B4GALT5: variants seen among roughly 807,000 people sequenced by gnomAD.
B4GALT5 encodes the protein UDP-Gal:beta-GlcNAc beta-1,4-galactosyltransferase 5.
A neutral mutation model predicts 45.0 loss-of-function variants in B4GALT5; 11 were observed. That is an observed-to-expected ratio of 0.24 (90% confidence interval 0.15 to 0.40). The LOEUF (loss-of-function observed/expected upper bound fraction) is 0.40. B4GALT5 is among the 10% of genes least tolerant of loss of function. The probability of loss-of-function intolerance (pLI) is 1.00; values close to 1 mark genes in which losing one functional copy is unlikely to be tolerated. For missense variants in B4GALT5, 337 were observed against 500.2 expected, an observed-to-expected ratio of 0.67 and a Z score of 3.11; for synonymous variants, 185 against 182.9, an observed-to-expected ratio of 1.01 and a Z score of -0.09.
At chr20:49,646,168 A>C (rs550587930) in intron 3 of B4GALT5, among the ~76,000 whole-genome samples, 4 of 152,336 alleles carry the variant, frequency 2.6e-5, no homozygotes, top group Non-Finnish European at 2.9e-5. Flanking sequence ...TTACAAGTTC[A>C]CAAGTTTAGA....
chr20:49,664,529 C>CA (rs1238882629), intron 1 of B4GALT5, among the ~76,000 whole-genome samples: 16 of 143,526 alleles, frequency 1.1e-4, no homozygotes, highest in African/African-American at 3.9e-4. Context: ...TGATCTGGAC[C>CA]AAAAAAAAGC....
intron 1 of B4GALT5, among the ~76,000 whole-genome samples, chr20:49,669,820 A>G (rs191498029): frequency 6.4e-4 from 98 of 152,334 alleles, no homozygotes; most frequent in African/African-American, 2.3e-3. Context: ...AAAGGCTATA[A>G]GCCAGAAAAG....
At chr20:49,659,246 T>C (rs2085655381) in intron 1 of B4GALT5, among the ~76,000 whole-genome samples, 2 of 152,236 alleles carry the variant, frequency 1.3e-5, no homozygotes, top group Admixed American at 1.3e-4. Flanking sequence ...ATCCACACTG[T>C]TACTGCTCAA....
At chr20:49,670,860 A>G (rs1386768534) in intron 1 of B4GALT5, among the ~76,000 whole-genome samples, 2 of 152,178 alleles carry the variant, frequency 1.3e-5, no homozygotes, top group Non-Finnish European at 2.9e-5. Context: ...TTCATACTCT[A>G]ACCCAGTAGT....
chr20:49,640,347 G>T, intron 6 of B4GALT5, 131 bp downstream of exon 6: 1 of 744,760 alleles, frequency 1.3e-6, no homozygotes, highest in Admixed American at 3.3e-5. Context: ...CCAATTGTAT[G>T]GATACACACA....
intron 1 of B4GALT5, among the ~76,000 whole-genome samples, chr20:49,705,993 A>G (rs553452527): frequency 1.7e-4 from 26 of 151,484 alleles, no homozygotes; most frequent in Admixed American, 6.6e-4. Context: ...CAGCCTGGCT[A>G]ACATGGTGAA....
At chr20:49,645,796 CTAGA>C (rs970092649) in intron 3 of B4GALT5, among the ~76,000 whole-genome samples, 41 of 151,926 alleles carry the variant, frequency 2.7e-4, no homozygotes, top group African/African-American at 8.9e-4. Flanking sequence ...GTACATTATA[CTAGA>C]TAATGATAAT....
At chr20:49,712,986 G>A (rs776437504) in intron 1 of B4GALT5, among the ~76,000 whole-genome samples, 1 of 151,636 alleles carries the variant, frequency 6.6e-6, no homozygotes, top group Admixed American at 6.6e-5. Context: ...TTAGGGAGGA[G>A]GACCTGGAGG....
intron 1 of B4GALT5, among the ~76,000 whole-genome samples, chr20:49,657,041 T>A (rs1184054547): frequency 7.0e-6 from 1 of 142,502 alleles, no homozygotes; most frequent in Non-Finnish European, 1.5e-5. Flanking sequence ...TAGTTAAAAC[T>A]TTTTTTTTTT....
intron 1 of B4GALT5, among the ~76,000 whole-genome samples, chr20:49,705,980 GAC>G (rs926409637): frequency 6.8e-6 from 1 of 147,204 alleles, no homozygotes; most frequent in Non-Finnish European, 1.5e-5. Flanking sequence ...TGGAGTTAGA[GAC>G]CAGCCTGGCT....
In B4GALT5 at chr20:49,703,889, A is replaced by AG. The variant is rs1276613232; in HGVS notation, c.115+9686dup. On this transcript the variant is annotated intron_variant, in intron 1 of 8. Coordinates refer to ENST00000371711, the MANE Select transcript of B4GALT5 (RefSeq NM_004776.4). ...GGGCAACTGAGTGAGACTCCATCTC[A>AG]GGAAAAAAAAAAAAATACAGATTCA... 3.7e-5 allele frequency among the ~76,000 whole-genome samples: 4 copies of AG among 108,034 alleles called. No homozygotes were observed. In the East Asian group the frequency reaches 7.1e-4, roughly 19 times the overall value. The allele number at this position is 108,034 out of a possible 152,430, so 70.9% of individuals were successfully genotyped here. A position where few individuals can be genotyped will look rare whatever the true frequency, so the allele number is the denominator to read the frequency against.
At chr20:49,686,270 A>G (rs2085785075) in intron 1 of B4GALT5, among the ~76,000 whole-genome samples, 1 of 152,126 alleles carries the variant, frequency 6.6e-6, no homozygotes, top group African/African-American at 2.4e-5. Flanking sequence ...TTACATTCCA[A>G]ATGGTTACTA....
chr20:49,667,082 A>AG (rs1273011749), intron 1 of B4GALT5, among the ~76,000 whole-genome samples: 2 of 152,160 alleles, frequency 1.3e-5, no homozygotes, highest in Non-Finnish European at 2.9e-5. Flanking sequence ...GACCATGTGG[A>AG]GCCAAGATTT....
intron 1 of B4GALT5, among the ~76,000 whole-genome samples, chr20:49,684,761 G>A (rs955805399): frequency 2.0e-5 from 3 of 152,164 alleles, no homozygotes; most frequent in Admixed American, 2.0e-4. Context: ...AACAGAGGTG[G>A]CATGCGGTAG....
chr20:49,692,858 T>C (rs1486193492), intron 1 of B4GALT5, among the ~76,000 whole-genome samples: 2 of 152,252 alleles, frequency 1.3e-5, no homozygotes, highest in Admixed American at 1.3e-4. Flanking sequence ...ATTCTTCAGA[T>C]CCTGTTGTAT....
At position 49,640,531 on chromosome 20, in the gene B4GALT5, T is replaced by C. The variant is rs1409782351; in HGVS notation, c.741A>G (p.Gly247=). 1.2e-6 allele frequency: 2 copies of C among 1,613,758 alleles called. No homozygotes were observed. The highest frequency in any genetic ancestry group is 1.1e-5 in the South Asian group (1 of 90,980). The change falls in exon 6 of 9, where the codon GGA becomes GGG. Residue 247 remains glycine (G), a synonymous_variant. Transcript: ENST00000371711. The part of the protein sequence containing the change: ...HIPESDRNYY[G]CGQMPRHFAT... ...CAAAATGCCTCGGCATCTGTCCACA[T>C]CCATAATAGTTGCGATCACTTTCCG...
At chr20:49,639,934 C>G (rs1209325761) in intron 6 of B4GALT5, 134 bp from the exon 7 acceptor site, 1 of 1,256,338 alleles carries the variant, frequency 8.0e-7, no homozygotes, top group African/African-American at 1.5e-5. Context: ...ATCAAATTAG[C>G]AAAATTAATT....
intron 1 of B4GALT5, among the ~76,000 whole-genome samples, chr20:49,695,222 A>T (rs2085834033): frequency 6.9e-6 from 1 of 145,090 alleles, no homozygotes; most frequent in East Asian, 2.0e-4. Context: ...TTTTTTTTAG[A>T]CAGACTTTTG....
At chr20:49,695,125 C>G (rs1169088995) in intron 1 of B4GALT5, among the ~76,000 whole-genome samples, 1 of 146,340 alleles carries the variant, frequency 6.8e-6, no homozygotes, top group Non-Finnish European at 1.5e-5. Flanking sequence ...TGATGAGTAA[C>G]TAATGCAGTT....
Sources: allele counts gnomAD v4.1 joint callset (sites outside exome capture counted in the v4.1 genomes callset), GRCh38; gene constraint gnomAD v4.1.1; transcripts MANE v1.5; gene names NCBI Gene and HGNC (gene_info 2026-07-23, HGNC 2026-07-21).